The following KDM3A variants were observed in gnomAD, a reference collection of about 807,000 sequenced individuals.
The protein encoded by KDM3A is lysine-specific demethylase 3A.
A neutral mutation model predicts 158.0 loss-of-function variants in KDM3A; 60 were observed. The ratio of observed to expected loss-of-function variants is 0.38; its 90% confidence interval spans 0.31 to 0.47. KDM3A has a LOEUF of 0.47. Ranked by LOEUF, KDM3A falls within the 20% of genes least tolerant of loss-of-function variation. KDM3A has a pLI of 0.99. For synonymous variants in KDM3A, 608 were observed against 549.3 expected, an observed-to-expected ratio of 1.11 and a Z score of -1.49; for missense variants, 1,319 against 1,574.3, an observed-to-expected ratio of 0.84 and a Z score of 2.74.
chr2:86,451,190 A>G lies in KDM3A; in HGVS notation c.430A>G (p.Lys144Glu), dbSNP rs757822227. 4 of 1,608,930 alleles carry G rather than the reference A, an allele frequency of 2.5e-6. No individual in the cohort carries two copies. Among genetic ancestry groups the G allele is most frequent in the East Asian group, 2.2e-5 (1 of 44,834 alleles). Residue 144 changes from lysine (K) to glutamate (E), a missense_variant, in exon 4 of 26, where the codon AAA becomes GAA. Around this residue, in one of 4 missense-constraint regions of KDM3A, gnomAD observed 652 missense variants for 627.2 expected, o/e 1.04. Transcript: ENST00000312912. Reference sequence around the variant, plus strand: ...AGATCAACAAAGAGTATTTCTTTCTAAAGACCTTTTGAAGCCTATACAGGT... The same window carrying G: ...AGATCAACAAAGAGTATTTCTTTCTGAAGACCTTTTGAAGCCTATACAGGT... ...LGDQQRVFLS[K>E]DLLKPIQDVN...
At chr2:86,478,555 G>T in intron 14 of KDM3A, 53 bp from the exon 15 acceptor site, 1 of 1,598,018 alleles carries the variant, frequency 6.3e-7, no homozygotes, top group Non-Finnish European at 8.6e-7. Flanking sequence ...TAATGTTGAG[G>T]TTGAAAGTTC....
At chr2:86,455,035 T>A (rs1672628161) in intron 4 of KDM3A, 50 bp from the exon 5 acceptor site, 2 of 1,091,370 alleles carry the variant, frequency 1.8e-6, no homozygotes, top group South Asian at 3.0e-5. Context: ...TTTAAATAAC[T>A]CTTCTTATTA....
At chr2:86,486,181 T>C (rs1018088907) in intron 21 of KDM3A, among the ~76,000 whole-genome samples, 1 of 152,214 alleles carries the variant, frequency 6.6e-6, no homozygotes, top group African/African-American at 2.4e-5. Flanking sequence ...AGAATGTACT[T>C]TTATTAGTGA....
At chr2:86,474,438 G>A (rs550211165) in intron 11 of KDM3A, among the ~76,000 whole-genome samples, 1 of 122,762 alleles carries the variant, frequency 8.1e-6, no homozygotes, top group East Asian at 5.9e-4. Context: ...TGAGGCAGGC[G>A]TATCACCTGA....
At chr2:86,471,287 ATGTATATATGTGTGTATG>A (rs968113440) in intron 11 of KDM3A, among the ~76,000 whole-genome samples, 3 of 133,558 alleles carry the variant, frequency 2.2e-5, no homozygotes, top group African/African-American at 1.0e-4. Flanking sequence ...GTGTGTATAT[ATGTATATATGTGTGTATG>A]TGTATATATG....
chr2:86,480,069 T>G, intron 15 of KDM3A, 98 bp from the exon 16 acceptor site: 4 of 940,132 alleles, frequency 4.3e-6, no homozygotes, highest in Non-Finnish European at 6.7e-6. Context: ...GTTCTGGATA[T>G]TTATCTTACT....
Position 86,465,330 on chromosome 2 carries a change from G to T in KDM3A, c.1008-1042G>T, listed in dbSNP as rs1402887746. ...AAGAATGAAATTATTCTCTGTTAGG[G>T]CTGGTTACATGTTGCTCATAGCAGA... On this transcript the variant is annotated intron_variant, in intron 9 of 25. Coordinates refer to ENST00000312912, the MANE Select transcript of KDM3A (RefSeq NM_018433.6). 6.6e-5 allele frequency among the ~76,000 whole-genome samples: 10 copies of T among 152,256 alleles called. No individual in the cohort carries two copies. The East Asian group carries it at 1.9e-3, about 29-fold the overall frequency.
Position 86,441,950 on chromosome 2 carries a change from C to G in KDM3A, c.-30-68C>G. ...GGTTCGGCGCCCTCCGCCCGCCCTCCCTGCTGTCTCCGCCCGGCCCCCTCC... is the reference window on the plus strand; with the variant it reads ...GGTTCGGCGCCCTCCGCCCGCCCTCGCTGCTGTCTCCGCCCGGCCCCCTCC... On this transcript the variant is annotated intron_variant, in intron 1 of 25. Transcript: ENST00000312912. 2.2e-6 allele frequency: 3 copies of G among 1,349,372 alleles called. No individual in the cohort carries two copies. In the Admixed American group the frequency reaches 5.5e-5, roughly 25 times the overall value. The allele number at this position is 1,349,372 out of a possible 1,614,324, so 83.6% of individuals were successfully genotyped here.
rs149690355 is a variant in KDM3A, at chr2:86,492,708, C to G, written c.*589C>G. The G allele has an allele frequency of 6.6e-6, 1 of 152,474 alleles. No individual in the cohort carries two copies. Among genetic ancestry groups the G allele is most frequent in the East Asian group, 1.9e-4 (1 of 5,196 alleles). The allele number at this position is 152,474 out of a possible 1,614,324, so 9.4% of individuals were successfully genotyped here. ...GTTAAGCATTTTGCATTAAAATATTCATATAATATTTTGGCTCAGTTTATT... is the reference window on the plus strand; with the variant it reads ...GTTAAGCATTTTGCATTAAAATATTGATATAATATTTTGGCTCAGTTTATT... On this transcript the variant is annotated 3_prime_UTR_variant, in exon 26 of 26. Coordinates refer to ENST00000312912, the MANE Select transcript of KDM3A (RefSeq NM_018433.6).
chr2:86,468,655 G>A (rs751153069), intron 10 of KDM3A, among the ~76,000 whole-genome samples: 6 of 152,034 alleles, frequency 3.9e-5, no homozygotes, highest in Non-Finnish European at 5.9e-5. Flanking sequence ...CTTCTGAGCT[G>A]TGTCCACTAG....
chr2:86,470,463 C>T (rs371216816), intron 11 of KDM3A, 55 bp downstream of exon 11: 5 of 1,398,534 alleles, frequency 3.6e-6, no homozygotes, highest in Non-Finnish European at 5.1e-6. Context: ...TATGCTAGAT[C>T]ATCTGGCATA....
At chr2:86,441,706 G>A (rs1279877630) in intron 1 of KDM3A, among the ~76,000 whole-genome samples, 1 of 151,100 alleles carries the variant, frequency 6.6e-6, no homozygotes, top group Non-Finnish European at 1.5e-5. Context: ...TTTCTTTTCG[G>A]GGCTGGGGGC....
intron 10 of KDM3A, among the ~76,000 whole-genome samples, chr2:86,469,074 C>CT (rs759995590): frequency 2.0e-5 from 3 of 152,304 alleles, no homozygotes; most frequent in Admixed American, 6.5e-5. Flanking sequence ...TCCTTTCTTA[C>CT]TTTACCTTCT....
chr2:86,478,800 C>T, intron 15 of KDM3A, 65 bp downstream of exon 15: 1 of 1,523,774 alleles, frequency 6.6e-7, no homozygotes, highest in Non-Finnish European at 9.0e-7. Context: ...TTTCAAATAA[C>T]CCAAGGATTT....
chr2:86,485,053 G>GAATCATCTCTCCCC, intron 20 of KDM3A, 24 bp downstream of exon 20: 1 of 1,298,618 alleles, frequency 7.7e-7, no homozygotes, highest in Non-Finnish European at 1.1e-6. Flanking sequence ...GGTGGGGAGA[G>GAATCATCTCTCCCC]ATGATTCTGT....
intron 3 of KDM3A, 38 bp downstream of exon 3, chr2:86,450,000 G>A (rs747827922): frequency 1.9e-6 from 3 of 1,568,758 alleles, no homozygotes; most frequent in East Asian, 4.6e-5. Flanking sequence ...CCTGAGAAGA[G>A]GGCATTTTAT....
chr2:86,463,410 A>G (rs537176298), intron 8 of KDM3A, among the ~76,000 whole-genome samples: 10 of 50,920 alleles, frequency 2.0e-4, no homozygotes, highest in Non-Finnish European at 2.8e-4. Context: ...AGTTGATTCA[A>G]TACTTCCTTT....
At chr2:86,446,917 T>C (rs1682980250) in intron 2 of KDM3A, among the ~76,000 whole-genome samples, 1 of 152,194 alleles carries the variant, frequency 6.6e-6, no homozygotes, top group South Asian at 2.1e-4. Flanking sequence ...GCTCAAGCAA[T>C]TCTCCCACCT....
intron 2 of KDM3A, among the ~76,000 whole-genome samples, chr2:86,444,678 CTGAGA>C: frequency 6.6e-6 from 1 of 151,856 alleles, no homozygotes; most frequent in Non-Finnish European, 1.5e-5. Context: ...GGGCGAGGGG[CTGAGA>C]TGAATGTCAA....
Sources: allele counts gnomAD v4.1 joint callset (sites outside exome capture counted in the v4.1 genomes callset), GRCh38; gene constraint gnomAD v4.1.1; regional missense constraint gnomAD v4.1.1; transcripts MANE v1.5; gene names NCBI Gene and HGNC (gene_info 2026-07-23, HGNC 2026-07-21).